Variants in PRRT1B observed in about 807,000 individuals in gnomAD.
The protein encoded by PRRT1B is proline rich transmembrane protein 1B, also known as dispanin subfamily D member 2.
intron 1 of PRRT1B, among the ~76,000 whole-genome samples, chr9:131,550,169 G>T (rs2132007708): frequency 6.6e-6 from 1 of 152,210 alleles, no homozygotes; most frequent in East Asian, 1.9e-4. Flanking sequence ...CATTTTACCT[G>T]TCCGAAAACC....
chr9:131,558,183 T>C, exon 4 of PRRT1B: 1 of 401,038 alleles, frequency 2.5e-6, no homozygotes. Flanking sequence ...TACGTGGTGG[T>C]GGCACTCTAC....
At chr9:131,557,725 G>C (rs771394924) in intron 3 of PRRT1B, among the ~76,000 whole-genome samples, 45 of 152,342 alleles carry the variant, frequency 3.0e-4, no homozygotes, top group Non-Finnish European at 4.9e-4. Context: ...CACCATTAGT[G>C]TTGTGACCCT....
chr9:131,556,443 C>T (rs1022512609), intron 3 of PRRT1B, among the ~76,000 whole-genome samples: 3 of 152,176 alleles, frequency 2.0e-5, no homozygotes, highest in Admixed American at 2.0e-4. Context: ...AAACAATTCA[C>T]GGTAAAGCTG....
At chr9:131,552,937 C>T (rs945760536) in intron 1 of PRRT1B, among the ~76,000 whole-genome samples, 6 of 151,342 alleles carry the variant, frequency 4.0e-5, no homozygotes, top group African/African-American at 1.5e-4. Context: ...CCACCTGCCT[C>T]GGCCTCCCAA....
At chr9:131,548,166 G>C (rs1406041945) in intron 1 of PRRT1B, among the ~76,000 whole-genome samples, 1 of 151,964 alleles carries the variant, frequency 6.6e-6, no homozygotes, top group Non-Finnish European at 1.5e-5. Flanking sequence ...TTCTCTCTGT[G>C]TCTCTACCCT....
intron 2 of PRRT1B, 126 bp from the exon 3 acceptor site, chr9:131,555,944 A>C (rs1040069385): frequency 1.5e-5 from 6 of 396,950 alleles, no homozygotes; most frequent in Admixed American, 4.4e-5. Context: ...CGTGAATTGC[A>C]GCCTCAGTGG....
At chr9:131,555,200 A>G (rs942156781) in intron 2 of PRRT1B, among the ~76,000 whole-genome samples, 171 bp downstream of exon 2, 2 of 151,710 alleles carry the variant, frequency 1.3e-5, no homozygotes, top group Non-Finnish European at 2.9e-5. Context: ...TAGGAGGGCT[A>G]AGGCAAAGAG....
exon 1 of PRRT1B, chr9:131,545,559 C>A (rs545899923): frequency 1.1e-4 from 42 of 396,776 alleles, no homozygotes; most frequent in African/African-American, 8.4e-4. Flanking sequence ...GCCGGCCCGA[C>A]GGCAGGCGCC....
chr9:131,546,125 T>C (rs922248810), intron 1 of PRRT1B, among the ~76,000 whole-genome samples: 6 of 152,050 alleles, frequency 3.9e-5, no homozygotes, highest in Non-Finnish European at 8.8e-5. Context: ...TCCCGCCCCG[T>C]GTCCCGCCTC....
intron 1 of PRRT1B, among the ~76,000 whole-genome samples, chr9:131,552,692 A>ATTTT (rs777024533): frequency 6.3e-5 from 9 of 142,180 alleles, no homozygotes; most frequent in Admixed American, 1.4e-4. Flanking sequence ...TTTTTTTTTG[A>ATTTT]GACGGAGTCT....
intron 3 of PRRT1B, among the ~76,000 whole-genome samples, chr9:131,557,057 C>A (rs1274741282): frequency 1.3e-5 from 2 of 152,040 alleles, no homozygotes; most frequent in African/African-American, 4.8e-5. Context: ...CCTACTCACC[C>A]ACCCACCAAT....
intron 3 of PRRT1B, among the ~76,000 whole-genome samples, chr9:131,556,830 G>A (rs1588552272): frequency 6.6e-6 from 1 of 151,630 alleles, no homozygotes; most frequent in Non-Finnish European, 1.5e-5. Flanking sequence ...ATGAGGTTTC[G>A]CCATGTTGGC....
chr9:131,551,439 C>G lies in PRRT1B; in HGVS notation c.26-3118C>G, dbSNP rs1413373036. 6.6e-6 allele frequency among the ~76,000 whole-genome samples: 1 copy of G among 152,154 alleles called. No homozygotes were observed. The highest frequency in any genetic ancestry group is 6.5e-5 in the Admixed American group (1 of 15,274). On this transcript the variant is annotated intron_variant, in intron 1 of 3. Coordinates refer to ENST00000636672, the Ensembl canonical transcript of PRRT1B. This position sits in a 1 kb window ranked among gnomAD's most constrained non-coding sequence, Gnocchi z 4.4. The stretch of plus-strand genomic sequence containing the variant: ...AGCCCTGAGAAACATCGCCCATTAT[C>G]TCTCCATACCACCCCCAAAAAATTT...
chr9:131,547,074 T>A (rs1950981429), intron 1 of PRRT1B, among the ~76,000 whole-genome samples: 1 of 143,756 alleles, frequency 7.0e-6, no homozygotes, highest in Admixed American at 6.9e-5. Flanking sequence ...GCTTTTTTTT[T>A]TTTTTTTTTT....
At chr9:131,548,939 C>A (rs189802675) in intron 1 of PRRT1B, among the ~76,000 whole-genome samples, 34 of 152,208 alleles carry the variant, frequency 2.2e-4, no homozygotes, top group African/African-American at 7.2e-4. Context: ...TTTCTTTATC[C>A]GACCTCTCCC....
chr9:131,550,299 A>G (rs1476215470), intron 1 of PRRT1B, among the ~76,000 whole-genome samples: 1 of 151,966 alleles, frequency 6.6e-6, no homozygotes, highest in Non-Finnish European at 1.5e-5. Flanking sequence ...TCCACAACCC[A>G]TTATTCTGTT....
At chr9:131,550,939 CTTTTTTTT>C (rs546049217) in intron 1 of PRRT1B, among the ~76,000 whole-genome samples, 4 of 76,000 alleles carry the variant, frequency 5.3e-5, no homozygotes, top group Non-Finnish European at 7.3e-5. Context: ...TTTTCTTTTT[CTTTTTTTT>C]TTTTTTTTTT....
At chr9:131,550,007 C>A (rs1274245886) in intron 1 of PRRT1B, among the ~76,000 whole-genome samples, 4 of 152,078 alleles carry the variant, frequency 2.6e-5, no homozygotes, top group East Asian at 1.9e-4. Flanking sequence ...ATATCATGCA[C>A]CCCTTACCAT....
At chr9:131,549,358 C>T (rs945863243) in intron 1 of PRRT1B, among the ~76,000 whole-genome samples, 4 of 152,326 alleles carry the variant, frequency 2.6e-5, no homozygotes, top group East Asian at 3.9e-4. Context: ...GAGCTTGCTA[C>T]GAGTGTTGGA....
Sources: allele counts gnomAD v4.1 joint callset (sites outside exome capture counted in the v4.1 genomes callset), GRCh38; gene constraint gnomAD v4.1.1; non-coding constraint Gnocchi (gnomAD v3.1); transcripts MANE v1.5; gene names NCBI Gene and HGNC (gene_info 2026-07-23, HGNC 2026-07-21).